The following CACNB2 variants were observed in gnomAD, a reference collection of about 807,000 sequenced individuals.
The protein encoded by CACNB2 is voltage-dependent L-type calcium channel subunit beta-2.
CACNB2 carries 42 observed loss-of-function variants against 73.3 expected under a neutral mutation model. That is an observed-to-expected ratio of 0.57 (90% CI 0.45 to 0.74). The LOEUF (loss-of-function observed/expected upper bound fraction) is 0.74. CACNB2 is among the 30% of genes least tolerant of loss of function. The pLI is 0.00. For synonymous variants in CACNB2, 348 were observed against 310.3 expected (o/e 1.12, Z -1.28); for missense variants, 940 against 853.0 (o/e 1.10, Z -1.27).
chr10:18,205,284 C>T (rs913996663), intron 2 of CACNB2, among the ~76,000 whole-genome samples: 3 of 152,042 alleles, frequency 2.0e-5, no homozygotes, highest in South Asian at 4.1e-4. Context: ...TTTTCTCATC[C>T]GTATAATGGG....
chr10:18,474,232 C>A (rs766418568), intron 3 of CACNB2, among the ~76,000 whole-genome samples: 1 of 152,036 alleles, frequency 6.6e-6, no homozygotes, highest in Non-Finnish European at 1.5e-5. Context: ...TGAAAGGCAC[C>A]CTGCAGACTT....
intron 2 of CACNB2, among the ~76,000 whole-genome samples, chr10:18,263,243 C>T (rs369320207): frequency 3.3e-5 from 5 of 152,302 alleles, no homozygotes; most frequent in African/African-American, 1.2e-4. Flanking sequence ...AAAGAACCCA[C>T]TGTGCATCTA....
intron 13 of CACNB2, 90 bp from the exon 14 acceptor site, chr10:18,539,140 A>C: frequency 6.4e-7 from 1 of 1,551,602 alleles, no homozygotes; most frequent in Admixed American, 1.7e-5. Context: ...CGGATGCTTA[A>C]AAAGGACTCT....
intron 2 of CACNB2, among the ~76,000 whole-genome samples, chr10:18,254,898 G>T (rs2037220214): frequency 6.6e-6 from 1 of 152,154 alleles, no homozygotes; most frequent in African/African-American, 2.4e-5. Context: ...TATTACATTG[G>T]GTTTCATTTT....
intron 1 of CACNB2, among the ~76,000 whole-genome samples, chr10:18,149,023 G>T (rs1189351200): frequency 7.1e-6 from 1 of 140,090 alleles, no homozygotes. Flanking sequence ...AAAAAAAAAT[G>T]GGATGAGATT....
At chr10:18,177,082 G>A (rs891151546) in intron 2 of CACNB2, among the ~76,000 whole-genome samples, 1 of 152,088 alleles carries the variant, frequency 6.6e-6, no homozygotes, top group African/African-American at 2.4e-5. Flanking sequence ...TGGGGTTTAG[G>A]TTGCAAAGAC....
At chr10:18,259,202 C>A (rs971386934) in intron 2 of CACNB2, among the ~76,000 whole-genome samples, 3 of 152,046 alleles carry the variant, frequency 2.0e-5, no homozygotes, top group Non-Finnish European at 4.4e-5. Flanking sequence ...GAGATTAAGG[C>A]AGAATTTTTT....
At chr10:18,526,362 C>G (rs1180117568) in intron 9 of CACNB2, among the ~76,000 whole-genome samples, 35 of 152,134 alleles carry the variant, frequency 2.3e-4, no homozygotes, top group Admixed American at 2.3e-3. Context: ...GTCTAGGGTC[C>G]CCTGGTCAGA....
rs71402148 is a variant in CACNB2 at position 18,150,855 on chromosome 10, C to CTTT, written c.121-5_121-3dup. 1,553 of 483,874 alleles carry CTTT rather than the reference C, an allele frequency of 3.2e-3. 76 individuals carry two copies. Among genetic ancestry groups the CTTT allele is most frequent in the South Asian group, 6.8e-3 (247 of 36,524 alleles). The allele number at this position is 483,874 out of a possible 1,614,324, so 30.0% of individuals were successfully genotyped here. Reference sequence around the variant, plus strand: ...AGGGTCTCATAATAATCTTATTTGTCTTTTTTTTTTTTTTTTTTTTTTTTT... The same window carrying CTTT: ...AGGGTCTCATAATAATCTTATTTGTCTTTTTTTTTTTTTTTTTTTTTTTTTTTT... On this transcript the variant is annotated intron_variant, in intron 1 of 13. Coordinates refer to ENST00000324631, the MANE Select transcript of CACNB2 (RefSeq NM_201596.3).
At chr10:18,445,538 A>G (rs560434135) in intron 3 of CACNB2, among the ~76,000 whole-genome samples, 1 of 152,320 alleles carries the variant, frequency 6.6e-6, no homozygotes, top group South Asian at 2.1e-4. Context: ...ATTGTTATTC[A>G]TTATTCAGGT....
intron 2 of CACNB2, among the ~76,000 whole-genome samples, chr10:18,203,643 T>A (rs1361829827): frequency 6.6e-6 from 1 of 151,796 alleles, no homozygotes; most frequent in Non-Finnish European, 1.5e-5. Context: ...ACGGGGCGAG[T>A]GATCGTTGAT....
At chr10:18,265,266 A>C (rs1223325379) in intron 2 of CACNB2, among the ~76,000 whole-genome samples, 1 of 149,832 alleles carries the variant, frequency 6.7e-6, no homozygotes, top group Non-Finnish European at 1.5e-5. Context: ...CAGCCTCCTG[A>C]CTACAAGTGC....
intron 3 of CACNB2, among the ~76,000 whole-genome samples, chr10:18,488,246 TG>T (rs1301788197): frequency 1.3e-5 from 2 of 150,128 alleles, no homozygotes; most frequent in African/African-American, 4.9e-5. Flanking sequence ...GAGGCCGAGG[TG>T]GGCGGATCAC....
intron 2 of CACNB2, among the ~76,000 whole-genome samples, chr10:18,193,078 G>A (rs2034475361): frequency 6.6e-6 from 1 of 152,042 alleles, no homozygotes; most frequent in Non-Finnish European, 1.5e-5. Flanking sequence ...TATTTATGGG[G>A]TACATGTGAT....
intron 2 of CACNB2, among the ~76,000 whole-genome samples, chr10:18,182,574 C>T (rs954152277): frequency 6.6e-6 from 1 of 151,108 alleles, no homozygotes; most frequent in African/African-American, 2.4e-5. Context: ...GTAATCCCAG[C>T]ACTTTGGGAG....
At chr10:18,154,837 C>T (rs1005550465) in intron 2 of CACNB2, among the ~76,000 whole-genome samples, 2 of 152,172 alleles carry the variant, frequency 1.3e-5, no homozygotes, top group Non-Finnish European at 2.9e-5. Context: ...TGTGAGGACA[C>T]AGTGAGGAGG....
At chr10:18,354,909 C>T (rs184864810) in intron 2 of CACNB2, among the ~76,000 whole-genome samples, 1 of 141,180 alleles carries the variant, frequency 7.1e-6, no homozygotes, top group Non-Finnish European at 1.5e-5. Context: ...TCCAAAAATC[C>T]GAAATCCAAA....
intron 2 of CACNB2, among the ~76,000 whole-genome samples, chr10:18,238,679 C>T (rs548621187): frequency 8.5e-5 from 13 of 152,210 alleles, no homozygotes; most frequent in Middle Eastern, 3.4e-3. Flanking sequence ...TTCAAAATTT[C>T]TTCGTGATCA....
chr10:18,486,733 A>G (rs2049078370), intron 3 of CACNB2, among the ~76,000 whole-genome samples: 1 of 152,212 alleles, frequency 6.6e-6, no homozygotes, highest in Non-Finnish European at 1.5e-5. Flanking sequence ...GATAGAGGGC[A>G]TGAGTCAGGG....
Sources: gnomAD v4.1 joint callset for allele counts (sites outside exome capture counted in the v4.1 genomes callset) on GRCh38, gnomAD v4.1.1 for gene constraint, MANE v1.5 for transcripts, NCBI Gene and HGNC (gene_info 2026-07-23, HGNC 2026-07-21) for gene names.